ERICH1: variants seen among roughly 807,000 people sequenced by gnomAD.
The protein encoded by ERICH1 is glutamate-rich protein 1.
Under a neutral mutation model 39.6 loss-of-function variants are expected in ERICH1, and 56 were observed. That is an observed-to-expected ratio of 1.41 (90% CI 1.14 to 1.77). ERICH1 has a LOEUF of 1.77. Ranked by LOEUF, ERICH1 falls within the 40% of genes most tolerant of loss-of-function variation. The probability of loss-of-function intolerance (pLI) is 0.00; values close to 1 mark genes in which losing one functional copy is unlikely to be tolerated. For synonymous variants in ERICH1, 313 were observed against 223.6 expected, an observed-to-expected ratio of 1.40 and a Z score of -3.57; for missense variants, 826 against 575.4, an observed-to-expected ratio of 1.44 and a Z score of -4.45.
At chr8:629,842 C>T (rs1278175164) in intron 3 of ERICH1, among the ~76,000 whole-genome samples, 6 of 139,644 alleles carry the variant, frequency 4.3e-5, no homozygotes, top group Non-Finnish European at 9.0e-5. Context: ...TGACACACAC[C>T]CTCCCGTGAC....
At chr8:636,285 T>C (rs888923408) in intron 3 of ERICH1, among the ~76,000 whole-genome samples, 2 of 152,200 alleles carry the variant, frequency 1.3e-5, no homozygotes, top group South Asian at 4.2e-4. Context: ...CCACGTGGGG[T>C]TGCACGTCAA....
At chr8:700,134 GA>G (rs1811576256) in intron 2 of ERICH1, among the ~76,000 whole-genome samples, 2 of 121,854 alleles carry the variant, frequency 1.6e-5, no homozygotes, top group South Asian at 5.1e-4. Flanking sequence ...CAGGCGCACA[GA>G]CCCGCACAGG....
chr8:639,359 C>T (rs1798725951), intron 3 of ERICH1, among the ~76,000 whole-genome samples: 1 of 152,176 alleles, frequency 6.6e-6, no homozygotes. Context: ...GTATACATAT[C>T]AATGTATACC....
chr8:673,150 A>T, intron 4 of ERICH1, 139 bp downstream of exon 4: 1 of 1,044,538 alleles, frequency 9.6e-7, no homozygotes, highest in Non-Finnish European at 1.3e-6. Flanking sequence ...TTTTTTACTT[A>T]TATTAGTTGC....
intron 3 of ERICH1, among the ~76,000 whole-genome samples, chr8:623,376 C>T (rs187451125): frequency 1.2e-4 from 19 of 152,248 alleles, no homozygotes; most frequent in Non-Finnish European, 2.4e-4. Flanking sequence ...AACTAGAAAT[C>T]GAAGGAAACC....
intron 4 of ERICH1, 69 bp from the exon 5 acceptor site, chr8:668,861 C>T (rs1360781428): frequency 3.5e-6 from 5 of 1,436,422 alleles, no homozygotes; most frequent in African/African-American, 1.4e-5. Flanking sequence ...GATAAGCTTT[C>T]CTCTCTTAAG....
At position 656,199 on chromosome 8, in the gene ERICH1, G is replaced by A. The variant is rs867323973; in HGVS notation, c.976+12399C>T. 1.5e-4 allele frequency among the ~76,000 whole-genome samples: 23 copies of A among 152,144 alleles called. No homozygotes were observed. The Middle Eastern group carries it at 0.01, about 67-fold the overall frequency. Reference sequence around the variant, plus strand: ...CCCACAGCATCTTCTAAACTCCCCCGGTTCCTTCTTTTTCTGTTTTCCCCT... The same window carrying A: ...CCCACAGCATCTTCTAAACTCCCCCAGTTCCTTCTTTTTCTGTTTTCCCCT... On this transcript the variant is annotated intron_variant, in intron 3 of 3. Transcript: ENST00000522706.
At chr8:727,084 C>T (rs575289267) in intron 1 of ERICH1, among the ~76,000 whole-genome samples, 32 of 151,788 alleles carry the variant, frequency 2.1e-4, no homozygotes, top group Admixed American at 6.6e-4. Flanking sequence ...CATACACACA[C>T]GCACACCACA....
rs373196730 is a variant in ERICH1 at position 668,612 on chromosome 8, C to A, written c.1244G>T (p.Cys415Phe). The change falls in exon 5 of 6, where the codon TGC (cysteine) becomes TTC (phenylalanine). Residue 415 changes from cysteine (C) to phenylalanine (F), a missense_variant. Physicochemically the swap from Cys to Phe is radical, Grantham distance 205. Coordinates refer to ENST00000262109, the MANE Select transcript of ERICH1 (RefSeq NM_207332.3). ...KHALEMFPEH[C>F]TMPPDHARVI... ...ACGGTACTTACCAGGAGGCATCGTG[C>A]AATGTTCTGGGAACATTTCCAGAGC... 1.2e-6 allele frequency: 2 copies of A among 1,614,216 alleles called. No homozygotes were observed. Among genetic ancestry groups the A allele is most frequent in the Non-Finnish European group, 1.7e-6 (2 of 1,180,038 alleles).
intron 3 of ERICH1, among the ~76,000 whole-genome samples, chr8:640,275 G>T (rs543593918): frequency 6.6e-5 from 10 of 152,322 alleles, no homozygotes; most frequent in African/African-American, 2.4e-4. Context: ...TATTTTGGCT[G>T]AACTTTTCAC....
chr8:697,924 G>A (rs62484179), intron 2 of ERICH1, among the ~76,000 whole-genome samples: 2,799 of 151,940 alleles, frequency 0.018, 35 homozygotes, highest in Middle Eastern at 0.034. Context: ...TTGTTGTGGG[G>A]AATGAGGCAG....
intron 2 of ERICH1, among the ~76,000 whole-genome samples, chr8:708,267 C>A (rs1813752574): frequency 6.6e-6 from 1 of 152,244 alleles, no homozygotes; most frequent in African/African-American, 2.4e-5. Context: ...ACCATTTGAC[C>A]CTGCATTTCC....
At chr8:662,279 A>T (rs1302052087), downstream of ERICH1, among the ~76,000 whole-genome samples, 5 of 152,274 alleles carry the variant, frequency 3.3e-5, no homozygotes, top group Non-Finnish European at 7.3e-5. Flanking sequence ...CACAAATGGG[A>T]CGTTAAGAAT....
At chr8:716,837 T>TG (rs1337264604) in intron 1 of ERICH1, among the ~76,000 whole-genome samples, 1 of 151,994 alleles carries the variant, frequency 6.6e-6, no homozygotes, top group South Asian at 2.1e-4. Flanking sequence ...GAGGAGACGC[T>TG]GGGGGTGGCT....
intron 3 of ERICH1, among the ~76,000 whole-genome samples, chr8:642,400 A>G (rs1229038402): frequency 1.6e-5 from 2 of 123,222 alleles, no homozygotes; most frequent in Non-Finnish European, 1.6e-5. Flanking sequence ...GCTGGAGTGC[A>G]GTGGTGCGAT....
intron 3 of ERICH1, among the ~76,000 whole-genome samples, chr8:629,214 G>A (rs894197643): frequency 1.3e-5 from 2 of 152,174 alleles, no homozygotes; most frequent in Non-Finnish European, 2.9e-5. Flanking sequence ...GGGCTTTATA[G>A]TGGCAACAAA....
intron 3 of ERICH1, among the ~76,000 whole-genome samples, chr8:620,363 T>A (rs1238751160): frequency 6.6e-6 from 1 of 152,042 alleles, no homozygotes; most frequent in Non-Finnish European, 1.5e-5. Flanking sequence ...ATGTTAGATA[T>A]AAACCTAATA....
intron 3 of ERICH1, among the ~76,000 whole-genome samples, chr8:618,377 C>T (rs952132737): frequency 2.0e-5 from 3 of 151,838 alleles, no homozygotes; most frequent in South Asian, 2.1e-4. Context: ...TCCTCACTGC[C>T]CTCTGAGTGC....
At chr8:656,420 G>A (rs758453639) in intron 3 of ERICH1, among the ~76,000 whole-genome samples, 27 of 152,166 alleles carry the variant, frequency 1.8e-4, no homozygotes, top group Non-Finnish European at 3.1e-4. Flanking sequence ...CCTTGGGGAC[G>A]ACAAAGCACT....
Sources: gnomAD v4.1 joint callset for allele counts (sites outside exome capture counted in the v4.1 genomes callset) on GRCh38, gnomAD v4.1.1 for gene constraint, MANE v1.5 for transcripts, NCBI Gene and HGNC (gene_info 2026-07-23, HGNC 2026-07-21) for gene names.